The following EXOC7 variants were observed in gnomAD, a reference collection of about 807,000 sequenced individuals.
The protein encoded by EXOC7 is exocyst complex component 7, also known as exocyst complex component Exo70.
Under a neutral mutation model 87.6 loss-of-function variants are expected in EXOC7, and 51 were observed. That is an observed-to-expected ratio of 0.58 (90% CI 0.46 to 0.73). EXOC7 has a LOEUF of 0.73. Ranked by LOEUF, EXOC7 falls within the 30% of genes least tolerant of loss-of-function variation. The probability of loss-of-function intolerance (pLI) is 0.00; values close to 1 mark genes in which losing one functional copy is unlikely to be tolerated. For missense variants in EXOC7, 744 were observed against 888.4 expected, an observed-to-expected ratio of 0.84 and a Z score of 2.07; for synonymous variants, 327 against 357.1, an observed-to-expected ratio of 0.92 and a Z score of 0.95.
Position 76,094,477 on chromosome 17 carries a change from A to C in EXOC7, c.745T>G (p.Tyr249Asp). The change falls in exon 6 of 19, where the codon TAC becomes GAC. Residue 249 changes from tyrosine (Y) to aspartate (D), a missense_variant. By Grantham distance (160) the Tyr-to-Asp change is radical. Coordinates refer to ENST00000589210, the MANE Select transcript of EXOC7 (RefSeq NM_001013839.4). ...HKSSSSSGVP[Y>D]SPAIPNKRKD... is the part of the protein sequence containing the mutation. Reference sequence around the variant, plus strand: ...CTCTTGTTGGGGATAGCAGGGGAGTAGGGAACCCCAGAGGAAGAACTGCTC... The same window carrying C: ...CTCTTGTTGGGGATAGCAGGGGAGTCGGGAACCCCAGAGGAAGAACTGCTC... 4 of 1,614,102 alleles carry C rather than the reference A, an allele frequency of 2.5e-6. No homozygotes were observed. Among genetic ancestry groups the C allele is most frequent in the Non-Finnish European group, 3.4e-6 (4 of 1,180,006 alleles).
intron 2 of EXOC7, among the ~76,000 whole-genome samples, chr17:76,102,602 C>T (rs8081836): frequency 0.11 from 16,776 of 151,444 alleles, 2,729 homozygotes; most frequent in African/African-American, 0.36. Context: ...CCAGACTCTG[C>T]CTCTAAAAAA....
At position 76,101,710 on chromosome 17, in the gene EXOC7, C is replaced by A; in HGVS notation, c.280G>T (p.Ala94Ser). Residue 94 changes from alanine (A) to serine (S), a missense_variant, in exon 3 of 19, where the codon GCC (alanine) becomes TCC (serine). Physicochemically the swap from Ala to Ser is moderately conservative, Grantham distance 99. Around this residue, in one of 3 missense-constraint regions of EXOC7, gnomAD observed 512 missense variants for 573.0 expected, o/e 0.89. Coordinates refer to ENST00000589210, the MANE Select transcript of EXOC7 (RefSeq NM_001013839.4). ...CTGATGATCTTCTCAGTGTCACTGG[C>A]CACATGGTAGTAGCTGATGACATGG... ...LDHVISYYHVASDTEKIIREG... is the reference protein window; with the variant it reads ...LDHVISYYHVSSDTEKIIREG... 6.2e-7 allele frequency: 1 copy of A among 1,613,866 alleles called. No individual in the cohort carries two copies.
At chr17:76,091,297 G>A in intron 6 of EXOC7, 62 bp from the exon 7 acceptor site, 1 of 1,457,660 alleles carries the variant, frequency 6.9e-7, no homozygotes, top group South Asian at 1.1e-5. Context: ...AGAGAAAACA[G>A]CAGCGGCCCT....
intron 13 of EXOC7, 106 bp downstream of exon 13, chr17:76,085,974 C>A: frequency 1.3e-6 from 2 of 1,516,368 alleles, no homozygotes; most frequent in Non-Finnish European, 1.8e-6. Flanking sequence ...GATCAGATGG[C>A]ACTTAGGAGA....
rs753622257 is a variant in EXOC7, at chr17:76,081,334, G to A, written c.*2314C>T. On this transcript the variant is annotated 3_prime_UTR_variant, in exon 19 of 19. Transcript: ENST00000589210. Reference sequence around the variant, plus strand: ...GAACGAGATTGTGAGTGTCAAGAGGGAATACGTAGTTTATGATCTGAAGAC... The same window carrying A: ...GAACGAGATTGTGAGTGTCAAGAGGAAATACGTAGTTTATGATCTGAAGAC... 1.1e-5 allele frequency: 17 copies of A among 1,614,154 alleles called. No homozygotes were observed. The highest frequency in any genetic ancestry group is 1.4e-5 in the Non-Finnish European group (17 of 1,180,020).
intron 6 of EXOC7, chr17:76,093,922 T>C (rs1212789630): frequency 1.3e-5 from 2 of 152,784 alleles, no homozygotes; most frequent in African/African-American, 4.8e-5. Context: ...TCCGAGAGGA[T>C]GCTCTGGGGT....
chr17:76,083,998 G>A lies in EXOC7; in HGVS notation c.1952+8C>T, dbSNP rs1567956041. On this transcript the variant is annotated splice_region_variant and intron_variant, in intron 18 of 18. Transcript: ENST00000589210. ...CAGCACAGGCTGGGAGGGGAATGGAGGCCTCACTTCTGTAGAAAGGCCCCG... is the reference window on the plus strand; with the variant it reads ...CAGCACAGGCTGGGAGGGGAATGGAAGCCTCACTTCTGTAGAAAGGCCCCG... 6.4e-7 allele frequency: 1 copy of A among 1,556,242 alleles called. No individual in the cohort carries two copies. Among genetic ancestry groups the A allele is most frequent in the Non-Finnish European group, 8.7e-7 (1 of 1,155,664 alleles).
In EXOC7 at chr17:76,082,313, G is replaced by A. The variant is rs759605458; in HGVS notation, c.*1335C>T. 677 of 869,948 alleles carry A rather than the reference G, an allele frequency of 7.8e-4. 4 individuals are homozygous for A. The highest frequency in any genetic ancestry group is 8.4e-4 in the Middle Eastern group (3 of 3,582). The allele number at this position is 869,948 out of a possible 1,614,324, so 53.9% of individuals were successfully genotyped here. A position where few individuals can be genotyped will look rare whatever the true frequency, so the allele number is the denominator to read the frequency against. On this transcript the variant is annotated 3_prime_UTR_variant, in exon 19 of 19. Coordinates refer to ENST00000589210, the MANE Select transcript of EXOC7 (RefSeq NM_001013839.4). ...CTAAGAGGGTGTTTCTTCAACTGAA[G>A]ATGGCCTGAAATGGGCCAGACCCAA...
intron 7 of EXOC7, 172 bp from the exon 8 acceptor site, chr17:76,089,492 C>T (rs374709639): frequency 9.3e-6 from 7 of 752,162 alleles, no homozygotes; most frequent in Admixed American, 2.8e-5. Flanking sequence ...CCGCCAGGTT[C>T]GAGGGGAATA....
In EXOC7 at chr17:76,086,769, G is replaced by A. The variant is rs1567962334; in HGVS notation, c.1430-624C>T. 1.4e-5 allele frequency: 17 copies of A among 1,246,712 alleles called. No individual in the cohort carries two copies. In the Admixed American group the frequency reaches 1.8e-4, roughly 13 times the overall value. 77.2% of individuals were successfully genotyped at this position (1,246,712 alleles called of 1,614,324 possible). ...TGTCCCCTCTGACTCAGGCTCCCCA[G>A]TAGGTACTGAGAGTCAGTCCCCAGG... On this transcript the variant is annotated intron_variant, in intron 12 of 18. Coordinates refer to ENST00000589210, the MANE Select transcript of EXOC7 (RefSeq NM_001013839.4).
intron 2 of EXOC7, among the ~76,000 whole-genome samples, chr17:76,102,661 T>C (rs1053665095): frequency 6.6e-6 from 1 of 152,202 alleles, no homozygotes; most frequent in African/African-American, 2.4e-5. Flanking sequence ...ACTTTATTAT[T>C]GTGTGACTAA....
intron 11 of EXOC7, 149 bp from the exon 12 acceptor site, chr17:76,087,869 T>C (rs2067284096): frequency 4.2e-6 from 4 of 959,906 alleles, no homozygotes; most frequent in Non-Finnish European, 6.3e-6. Flanking sequence ...CACTCTAGCC[T>C]GCCAGGAAAG....
intron 10 of EXOC7, 153 bp downstream of exon 10, chr17:76,088,310 GA>G: frequency 1.1e-6 from 1 of 944,620 alleles, no homozygotes; most frequent in Non-Finnish European, 1.6e-6. Context: ...CCCCAGGAAG[GA>G]AAGGAAGGCA....
intron 7 of EXOC7, chr17:76,090,411 G>C: frequency 6.4e-7 from 1 of 1,551,726 alleles, no homozygotes; most frequent in Non-Finnish European, 8.7e-7. Context: ...GCGAGATGTC[G>C]GCCGCACAAA....
At position 76,095,037 on chromosome 17, in the gene EXOC7, C is replaced by T. The variant is rs945492177; in HGVS notation, c.641-456G>A. ...GTGCAGTGGTGTGATCTTGGCTCAC[C>T]GCAAACTCTGCCTCCCAGGCTCAAC... On this transcript the variant is annotated intron_variant, in intron 5 of 18. Transcript: ENST00000589210. Among the ~76,000 whole-genome samples, 12 of 152,080 alleles carry T rather than the reference C, an allele frequency of 7.9e-5. No homozygotes were observed. The East Asian group carries it at 1.5e-3, about 20-fold the overall frequency.
In EXOC7 at chr17:76,084,021, C is replaced by T. The variant is rs768905604; in HGVS notation, c.1937G>A (p.Gly646Glu). ...GAGGCCTCACTTCTGTAGAAAGGCC[C>T]CGTAGGTCTCCTTGACAATGGTCTT... ...AQKTIVKETYGAFLQKFGSVP... is the reference protein window; with the variant it reads ...AQKTIVKETYEAFLQKFGSVP... The change falls in exon 18 of 19, where the codon GGG (glycine) becomes GAG (glutamate). Residue 646 changes from glycine (G) to glutamate (E), a missense_variant. By Grantham distance (98) the Gly-to-Glu change is moderately conservative (BLOSUM62 -2). This residue lies in a region of EXOC7 where 228 missense variants were observed against 298.6 expected (regional missense o/e 0.76). Coordinates refer to ENST00000589210, the MANE Select transcript of EXOC7 (RefSeq NM_001013839.4). 1 of 1,593,094 alleles carries T rather than the reference C, an allele frequency of 6.3e-7. No homozygotes were observed. The highest frequency in any genetic ancestry group is 8.5e-7 in the Non-Finnish European group (1 of 1,171,476).
In EXOC7 at chr17:76,101,861, C is replaced by A. The variant is rs749322510; in HGVS notation, c.129G>T (p.Val43=). 98 of 1,610,256 alleles carry A rather than the reference C, an allele frequency of 6.1e-5. 2 individuals are homozygous for A. The Admixed American group carries it at 1.6e-3, about 26-fold the overall frequency. ...GGCTCTCAAAGGATGATAAGATAGA[C>A]ACCTGCGGGAGGGAAGCCTCTTGAT... ...EKSDQLTKNM[V]SILSSFESRL... The change falls in exon 3 of 19, where the codon GTG becomes GTT. Residue 43 remains valine, a splice_region_variant and synonymous_variant. Coordinates refer to ENST00000589210, the MANE Select transcript of EXOC7 (RefSeq NM_001013839.4).
intron 14 of EXOC7, 80 bp from the exon 15 acceptor site, chr17:76,085,489 C>T (rs1355605410): frequency 1.3e-6 from 2 of 1,509,082 alleles, no homozygotes; most frequent in African/African-American, 1.4e-5. Flanking sequence ...GCCGGGAGGG[C>T]CTCCCATTGC....
chr17:76,085,844 A>G, intron 13 of EXOC7, 47 bp from the exon 14 acceptor site: 6 of 1,595,002 alleles, frequency 3.8e-6, no homozygotes, highest in Non-Finnish European at 5.1e-6. Flanking sequence ...AGTCTGACCC[A>G]AACGACCCCA....
Sources: gnomAD v4.1 joint callset for allele counts (sites outside exome capture counted in the v4.1 genomes callset) on GRCh38, gnomAD v4.1.1 for gene constraint, gnomAD v4.1.1 regional missense constraint, MANE v1.5 for transcripts, NCBI Gene and HGNC (gene_info 2026-07-23, HGNC 2026-07-21) for gene names.